NCOA2: variants seen among roughly 807,000 people sequenced by gnomAD.
NCOA2 encodes class E basic helix-loop-helix protein 75.
Under a neutral mutation model 145.1 loss-of-function variants are expected in NCOA2, and 21 were observed. That is an observed-to-expected ratio of 0.14 (90% CI 0.10 to 0.21). The LOEUF (loss-of-function observed/expected upper bound fraction) is 0.21. Ranked by LOEUF, NCOA2 falls within the 10% of genes least tolerant of loss-of-function variation. The pLI is 1.00. For missense variants in NCOA2, 1,472 were observed against 1,837.6 expected (o/e 0.80, Z 3.64); for synonymous variants, 619 against 637.5 (o/e 0.97, Z 0.44).
chr8:70,145,063 T>A (rs1285431532), intron 12 of NCOA2, among the ~76,000 whole-genome samples: 1 of 152,222 alleles, frequency 6.6e-6, no homozygotes, highest in Admixed American at 6.5e-5. Context: ...TTCTTGACGA[T>A]CTTGCAAAAC....
At chr8:70,276,724 G>A (rs181347461) in intron 2 of NCOA2, among the ~76,000 whole-genome samples, 1 of 152,104 alleles carries the variant, frequency 6.6e-6, no homozygotes, top group Non-Finnish European at 1.5e-5. Flanking sequence ...GAAACTGTGA[G>A]TCAATTAAAC....
intron 1 of NCOA2, among the ~76,000 whole-genome samples, chr8:70,338,878 G>A (rs988963937): frequency 6.6e-6 from 1 of 151,954 alleles, no homozygotes; most frequent in African/African-American, 2.4e-5. Context: ...ACGCAGAAAA[G>A]GCCTTCAATA....
At chr8:70,302,480 A>G (rs1827585459) in intron 1 of NCOA2, among the ~76,000 whole-genome samples, 1 of 152,190 alleles carries the variant, frequency 6.6e-6, no homozygotes, top group Admixed American at 6.5e-5. Flanking sequence ...GTTTAAAGGT[A>G]ATTTTCATTC....
chr8:70,361,298 C>T lies in NCOA2; in HGVS notation c.-77+42402G>A, dbSNP rs139432506. Among the ~76,000 whole-genome samples, 246 of 152,204 alleles carry T rather than the reference C, an allele frequency of 1.6e-3. 1 individual carries two copies. The highest frequency in any genetic ancestry group is 7.7e-3 in the South Asian group (37 of 4,812). On this transcript the variant is annotated intron_variant, in intron 1 of 22. Coordinates refer to ENST00000452400, the MANE Select transcript of NCOA2 (RefSeq NM_006540.4). ...TGGGTGGCCAAGGTGAGCAGATCAA[C>T]AGCCTGACCAACATGGTGAAACCCT... is the stretch of plus-strand genomic sequence containing the variant.
chr8:70,238,917 T>C (rs1821882901), intron 2 of NCOA2, among the ~76,000 whole-genome samples: 1 of 152,126 alleles, frequency 6.6e-6, no homozygotes, highest in Non-Finnish European at 1.5e-5. Flanking sequence ...GTGTCCCCAT[T>C]TCCCTCCATA....
intron 6 of NCOA2, among the ~76,000 whole-genome samples, chr8:70,169,922 T>TCATCATCAC (rs1554581935): frequency 6.6e-6 from 1 of 151,398 alleles, no homozygotes; most frequent in African/African-American, 2.4e-5. Context: ...ATCATCATCA[T>TCATCATCAC]CACTTCTTGG....
intron 1 of NCOA2, among the ~76,000 whole-genome samples, chr8:70,374,977 A>G (rs949566765): frequency 6.6e-6 from 1 of 151,588 alleles, no homozygotes; most frequent in Non-Finnish European, 1.5e-5. Context: ...TCTACAGAAT[A>G]ACTTAAGTAG....
At chr8:70,334,594 C>A (rs1234939906) in intron 1 of NCOA2, among the ~76,000 whole-genome samples, 1 of 152,132 alleles carries the variant, frequency 6.6e-6, no homozygotes, top group Non-Finnish European at 1.5e-5. Flanking sequence ...CCTATTAGAG[C>A]ATGAAATTCT....
At chr8:70,187,134 G>A (rs1816164074) in intron 4 of NCOA2, among the ~76,000 whole-genome samples, 1 of 152,202 alleles carries the variant, frequency 6.6e-6, no homozygotes, top group African/African-American at 2.4e-5. Context: ...CCAGGCAGCA[G>A]GAGAAGCAGT....
the NCOA2 span, among the ~76,000 whole-genome samples, chr8:70,423,918 G>C: frequency 9.9e-4 from 151 of 152,226 alleles, 1 homozygote; most frequent in African/African-American, 3.5e-3. Context: ...CTCCGATCTC[G>C]ATCTCTTTTC....
At chr8:70,165,188 A>G (rs957773474) in intron 7 of NCOA2, among the ~76,000 whole-genome samples, 1 of 152,240 alleles carries the variant, frequency 6.6e-6, no homozygotes, top group Non-Finnish European at 1.5e-5. Context: ...AAAACAAAAT[A>G]AAATCATTTG....
Position 70,127,016 on chromosome 8 carries a change from C to T in NCOA2, c.3713G>A (p.Arg1238Lys), listed in dbSNP as rs982748978. Residue 1238 changes from arginine (R) to lysine (K), a missense_variant, in exon 19 of 23, where the codon AGA becomes AAA. Around this residue, in one of 4 missense-constraint regions of NCOA2, gnomAD observed 3 missense variants for 17.0 expected, o/e 0.18. Transcript: ENST00000452400. ...APINAQMLAQ[R>K]QREILNQHLR... ...ATGCTGGTTCAGGATTTCCCTCTGT[C>T]TCTGGGCCAGCATCTGTGCATTAAT... 2 of 1,612,538 alleles carry T rather than the reference C, an allele frequency of 1.2e-6. No individual in the cohort carries two copies. The highest frequency in any genetic ancestry group is 1.7e-6 in the Non-Finnish European group (2 of 1,179,244).
intron 2 of NCOA2, among the ~76,000 whole-genome samples, chr8:70,230,264 A>C (rs1371105590): frequency 2.0e-5 from 3 of 152,238 alleles, no homozygotes; most frequent in Non-Finnish European, 4.4e-5. Context: ...TGAAATGTCC[A>C]AAATAAGCAG....
chr8:70,237,833 C>A (rs907094348), intron 2 of NCOA2, among the ~76,000 whole-genome samples: 1 of 150,788 alleles, frequency 6.6e-6, no homozygotes, highest in Non-Finnish European at 1.5e-5. Flanking sequence ...TCATAGCCAG[C>A]AGAACTACTC....
In NCOA2 at chr8:70,116,002, C is replaced by T. The variant is rs533108849; in HGVS notation, c.4384-2359G>A. ...GAGATCGAGACCATCCTGGCTAACA[C>T]GGTGAAACCCCGTCTCTACTAAAAA... On this transcript the variant is annotated intron_variant, in intron 22 of 22. Transcript: ENST00000452400. Among the ~76,000 whole-genome samples the T allele has an allele frequency of 1.1e-4, 17 of 150,906 alleles. No individual in the cohort carries two copies. The South Asian group carries it at 2.1e-3, about 19-fold the overall frequency.
At chr8:70,364,804 C>A in intron 1 of NCOA2, among the ~76,000 whole-genome samples, 1 of 148,542 alleles carries the variant, frequency 6.7e-6, no homozygotes. Flanking sequence ...AACTACCAGA[C>A]CAGTTCTATA....
intron 1 of NCOA2, among the ~76,000 whole-genome samples, chr8:70,365,686 A>G (rs184306938): frequency 6.6e-5 from 10 of 152,370 alleles, no homozygotes; most frequent in Admixed American, 6.5e-5. Flanking sequence ...AAAATGCCTT[A>G]TAAGTGTTCC....
chr8:70,156,443 A>G lies in NCOA2; in HGVS notation c.1922T>C (p.Leu641Pro), dbSNP rs747797445. The G allele has an allele frequency of 1.2e-6, 2 of 1,613,874 alleles. No individual in the cohort carries two copies. Among genetic ancestry groups the G allele is most frequent in the Non-Finnish European group, 1.7e-6 (2 of 1,179,862 alleles). ...RLHDSKGQTK[L>P]LQLLTTKSDQ... ...AGATTTGGTGGTCAGCAGCTGCAGG[A>G]GTTTGGTCTGCCCTTTGCTGTCATG... Residue 641 changes from leucine to proline, a missense_variant, in exon 11 of 23, where the codon CTC (leucine) becomes CCC (proline). By Grantham distance (98) the Leu-to-Pro change is moderately conservative. Coordinates refer to ENST00000452400, the MANE Select transcript of NCOA2 (RefSeq NM_006540.4).
intron 2 of NCOA2, among the ~76,000 whole-genome samples, chr8:70,246,191 T>C (rs1205677543): frequency 1.3e-5 from 2 of 152,090 alleles, no homozygotes; most frequent in Admixed American, 1.3e-4. Context: ...TAAATGTCCT[T>C]AGTAACAAGT....
Sources: gnomAD v4.1 joint callset for allele counts (sites outside exome capture counted in the v4.1 genomes callset) on GRCh38, gnomAD v4.1.1 for gene constraint, gnomAD v4.1.1 regional missense constraint, MANE v1.5 for transcripts, NCBI Gene and HGNC (gene_info 2026-07-23, HGNC 2026-07-21) for gene names.